The following CNOT2 variants were observed in gnomAD, a reference collection of about 807,000 sequenced individuals.
CNOT2 encodes the protein CCR4-NOT transcription complex subunit 2, also known as CC chemokine receptor 4-negative regulator of transcription 2.
CNOT2 carries 7 observed loss-of-function variants against 72.1 expected under a neutral mutation model. The observed-to-expected ratio is 0.10, with a 90% CI of 0.06 to 0.18. CNOT2 has a LOEUF of 0.18. Ranked by LOEUF, CNOT2 falls within the 10% of genes least tolerant of loss-of-function variation. CNOT2 has a pLI of 1.00. For synonymous variants in CNOT2, 196 were observed against 225.6 expected (o/e 0.87, Z 1.17); for missense variants, 345 against 660.3 (o/e 0.52, Z 5.23).
At chr12:70,319,573 G>A (rs1877936798) in intron 4 of CNOT2, among the ~76,000 whole-genome samples, 1 of 151,768 alleles carries the variant, frequency 6.6e-6, no homozygotes, top group African/African-American at 2.4e-5. Flanking sequence ...CTTGGATATA[G>A]CATAGATTGA....
intron 1 of CNOT2, among the ~76,000 whole-genome samples, chr12:70,266,426 G>A (rs1222953466): frequency 6.6e-6 from 1 of 152,122 alleles, no homozygotes; most frequent in Non-Finnish European, 1.5e-5. Context: ...CCCGGCCGTT[G>A]AAATTATATT....
At chr12:70,258,662 G>T (rs1958576325) in intron 1 of CNOT2, among the ~76,000 whole-genome samples, 2 of 152,362 alleles carry the variant, frequency 1.3e-5, no homozygotes, top group South Asian at 4.1e-4. Context: ...TCTGACAGAT[G>T]GTGGTAAGGA....
chr12:70,296,157 A>G (rs1475769652), intron 2 of CNOT2, among the ~76,000 whole-genome samples: 2 of 151,966 alleles, frequency 1.3e-5, no homozygotes, highest in Non-Finnish European at 2.9e-5. Context: ...ACACACACAC[A>G]TACCCTCCCC....
At chr12:70,272,731 A>G (rs1220165549) in intron 1 of CNOT2, among the ~76,000 whole-genome samples, 1 of 151,986 alleles carries the variant, frequency 6.6e-6, no homozygotes, top group African/African-American at 2.4e-5. Context: ...AATTCTACCT[A>G]CTGTCGTTCC....
intron 2 of CNOT2, among the ~76,000 whole-genome samples, chr12:70,302,709 A>T (rs1229677628): frequency 6.6e-6 from 1 of 152,298 alleles, no homozygotes; most frequent in African/African-American, 2.4e-5. Context: ...TGGGGTGGAG[A>T]GTTCTGTAGA....
chr12:70,287,153 AT>A (rs200599733), intron 2 of CNOT2, among the ~76,000 whole-genome samples: 11 of 151,252 alleles, frequency 7.3e-5, no homozygotes, highest in Admixed American at 4.6e-4. Context: ...TTGATACAGG[AT>A]TTTTTTTATA....
intron 1 of CNOT2, among the ~76,000 whole-genome samples, chr12:70,265,438 T>G (rs1958996682): frequency 6.6e-6 from 1 of 152,032 alleles, no homozygotes; most frequent in African/African-American, 2.4e-5. Context: ...TTGCTGATTT[T>G]ATTTTTATAG....
intron 2 of CNOT2, among the ~76,000 whole-genome samples, chr12:70,308,117 A>T (rs570294080): frequency 6.6e-6 from 1 of 152,190 alleles, no homozygotes; most frequent in East Asian, 1.9e-4. Flanking sequence ...TGACCCTCTG[A>T]ACTGACTGCT....
chr12:70,319,208 A>G (rs1434190381), intron 3 of CNOT2, 90 bp from the exon 4 acceptor site: 6 of 1,033,120 alleles, frequency 5.8e-6, no homozygotes, highest in Admixed American at 4.3e-5. Context: ...AGATTTTCAC[A>G]TTTATGGTAT....
intron 11 of CNOT2, among the ~76,000 whole-genome samples, chr12:70,339,283 C>A (rs79336877): frequency 1.5e-3 from 222 of 152,004 alleles, no homozygotes; most frequent in African/African-American, 5.3e-3. Context: ...CTTCCACTTT[C>A]TATTTTCTAT....
At chr12:70,339,730 G>C (rs1881239237) in intron 11 of CNOT2, among the ~76,000 whole-genome samples, 1 of 152,156 alleles carries the variant, frequency 6.6e-6, no homozygotes, top group East Asian at 1.9e-4. Flanking sequence ...GTACACTTCT[G>C]CATGCCCCTA....
In CNOT2 at chr12:70,338,560, G is replaced by A. The variant is rs755100096; in HGVS notation, c.1018G>A (p.Asp340Asn). The A allele has an allele frequency of 5.6e-6, 9 of 1,609,212 alleles. No homozygotes were observed. The highest frequency in any genetic ancestry group is 7.6e-6 in the Non-Finnish European group (9 of 1,178,520). Reference sequence around the variant, plus strand: ...GAAAAAAGGGATCCAGGTGTTACCTGATGGTGGGACTCTAGAAATCTATGT... The same window carrying A: ...GAAAAAAGGGATCCAGGTGTTACCTAATGGTGGGACTCTAGAAATCTATGT... ...QQKKGIQVLP[D>N]GRVTNIPQGM... The change falls in exon 10 of 16, where the codon GAT becomes AAT. Residue 340 changes from aspartate (D) to asparagine (N), a missense_variant. Asp to Asn is a conservative substitution (Grantham distance 23). Around this residue, in one of 4 missense-constraint regions of CNOT2, gnomAD observed 128 missense variants for 233.0 expected, o/e 0.55. Coordinates refer to ENST00000229195, the MANE Select transcript of CNOT2 (RefSeq NM_014515.7).
chr12:70,311,032 T>C lies in CNOT2; in HGVS notation c.171+15T>C. ...CAGAAAAAGATGTAAGTTAATCAAT[T>C]ATGTTGTATTTTTTCAGCAATGTAA... On this transcript the variant is annotated intron_variant, in intron 3 of 15. Transcript: ENST00000229195. 6.3e-7 allele frequency: 1 copy of C among 1,576,970 alleles called. No individual in the cohort carries two copies. Among genetic ancestry groups the C allele is most frequent in the Non-Finnish European group, 8.7e-7 (1 of 1,149,612 alleles).
At chr12:70,298,116 AATAC>A (rs1188665444) in intron 2 of CNOT2, among the ~76,000 whole-genome samples, 5 of 152,178 alleles carry the variant, frequency 3.3e-5, no homozygotes, top group Non-Finnish European at 5.9e-5. Flanking sequence ...CTTTCTGTAA[AATAC>A]ATGTGATTAG....
intron 9 of CNOT2, chr12:70,337,822 T>G (rs1042932993): frequency 1.7e-5 from 8 of 464,184 alleles, no homozygotes; most frequent in South Asian, 1.1e-4. Context: ...TTTTCTTGAG[T>G]AAGTTTTCTC....
chr12:70,328,193 A>G (rs1879378463), intron 4 of CNOT2, among the ~76,000 whole-genome samples: 2 of 152,070 alleles, frequency 1.3e-5, no homozygotes, highest in South Asian at 4.1e-4. Context: ...TTCAGTTGAG[A>G]GGCACAGTTA....
chr12:70,253,736 A>G (rs2135709968), intron 1 of CNOT2, among the ~76,000 whole-genome samples: 1 of 152,318 alleles, frequency 6.6e-6, no homozygotes, highest in East Asian at 1.9e-4. Flanking sequence ...AAGTATCATG[A>G]TAATTATTCC....
intron 2 of CNOT2, among the ~76,000 whole-genome samples, chr12:70,279,166 A>G (rs1006240331): frequency 6.6e-6 from 1 of 152,196 alleles, no homozygotes; most frequent in Non-Finnish European, 1.5e-5. Flanking sequence ...AGCTAGTATG[A>G]TAGCAGCAGC....
chr12:70,249,483 G>A (rs747001957), intron 1 of CNOT2, among the ~76,000 whole-genome samples: 6 of 151,814 alleles, frequency 4.0e-5, no homozygotes, highest in East Asian at 1.9e-4. Flanking sequence ...TATGAAGGCC[G>A]TTTTCATCTT....
Sources: allele counts gnomAD v4.1 joint callset (sites outside exome capture counted in the v4.1 genomes callset), GRCh38; gene constraint gnomAD v4.1.1; regional missense constraint gnomAD v4.1.1; transcripts MANE v1.5; gene names NCBI Gene and HGNC (gene_info 2026-07-23, HGNC 2026-07-21).